KCNAB2: variants seen among roughly 807,000 people sequenced by gnomAD.
KCNAB2 encodes the protein potassium voltage-gated channel subfamily A regulatory beta subunit 2.
KCNAB2 carries 29 observed loss-of-function variants against 63.6 expected under a neutral mutation model. The ratio of observed to expected loss-of-function variants is 0.46; its 90% confidence interval spans 0.34 to 0.62. KCNAB2 has a LOEUF of 0.62. Among genes scored for constraint, KCNAB2 ranks in the 20% least tolerant of loss-of-function variants. The pLI is 0.01. For synonymous variants in KCNAB2, 222 were observed against 224.2 expected (o/e 0.99, Z 0.09); for missense variants, 359 against 563.9 (o/e 0.64, Z 3.68).
In KCNAB2 at chr1:6,071,846, C is replaced by T. The variant is rs545113381; in HGVS notation, c.219-909C>T. On this transcript the variant is annotated intron_variant, in intron 2 of 15. Coordinates refer to ENST00000378083, the MANE Select transcript of KCNAB2 (RefSeq NM_001199862.2). The surrounding 1 kb of genome is among the most constrained non-coding windows in gnomAD (Gnocchi z 8.5). Reference sequence around the variant, plus strand: ...TCCTGCCGCATAGGGCACCTCCTGCCGCGAGGGCACCTCCTGCCGCGTGGG... The same window carrying T: ...TCCTGCCGCATAGGGCACCTCCTGCTGCGAGGGCACCTCCTGCCGCGTGGG... Among the ~76,000 whole-genome samples, 24 of 150,116 alleles carry T rather than the reference C, an allele frequency of 1.6e-4. No individual in the cohort carries two copies. Among genetic ancestry groups the T allele is most frequent in the Non-Finnish European group, 2.4e-4 (16 of 67,344 alleles).
chr1:6,029,430 G>A (rs963921660), upstream of KCNAB2, among the ~76,000 whole-genome samples: 92 of 152,164 alleles, frequency 6.0e-4, 1 homozygote, highest in Admixed American at 6.5e-4. Flanking sequence ...TGGTAAGACC[G>A]CTGCCCAGGA....
chr1:6,093,508 G>A (rs1259634126), intron 10 of KCNAB2, among the ~76,000 whole-genome samples: 9 of 152,376 alleles, frequency 5.9e-5, no homozygotes, highest in African/African-American at 2.2e-4. Flanking sequence ...TCGCTGGGGC[G>A]AGGGTCCCTC....
upstream of KCNAB2, among the ~76,000 whole-genome samples, chr1:6,029,881 A>G (rs551248659): frequency 5.9e-4 from 90 of 152,348 alleles, no homozygotes; most frequent in African/African-American, 2.0e-3. Context: ...AGAAGATCAG[A>G]GCATGTGCAG....
chr1:6,068,738 G>C lies in KCNAB2; in HGVS notation c.219-4017G>C, dbSNP rs150061513. On this transcript the variant is annotated intron_variant, in intron 2 of 15. Coordinates refer to ENST00000378083, the MANE Select transcript of KCNAB2 (RefSeq NM_001199862.2). ...CAGGGCCACAGCCAGGGTGCAAGAG[G>C]GGGGCAGCAGGGACTGAGGGGGAGC... is the stretch of plus-strand genomic sequence containing the variant. Among the ~76,000 whole-genome samples the C allele has an allele frequency of 2.6e-3, 397 of 152,288 alleles. 1 individual carries two copies. Among genetic ancestry groups the C allele is most frequent in the African/African-American group, 8.8e-3 (366 of 41,560 alleles).
At chr1:6,008,011 GT>G (rs1477131071) in intron 1 of KCNAB2, among the ~76,000 whole-genome samples, 8 of 152,286 alleles carry the variant, frequency 5.3e-5, no homozygotes, top group Middle Eastern at 3.4e-3. Flanking sequence ...GAGCTGTCTG[GT>G]TTGACATGGC....
chr1:6,092,136 A>G (rs1665241567), intron 10 of KCNAB2, among the ~76,000 whole-genome samples: 1 of 152,244 alleles, frequency 6.6e-6, no homozygotes, highest in Non-Finnish European at 1.5e-5. Context: ...AGCTAGAAGG[A>G]TTCAGTCTTC....
In KCNAB2 at chr1:6,069,531, G is replaced by A. The variant is rs1247569379; in HGVS notation, c.219-3224G>A. Reference sequence around the variant, plus strand: ...GACATGAGGCAAATTAATGAAGACCGACAGTATTTGGGTTTCGAGATGTTG... The same window carrying A: ...GACATGAGGCAAATTAATGAAGACCAACAGTATTTGGGTTTCGAGATGTTG... On this transcript the variant is annotated intron_variant, in intron 2 of 15. Transcript: ENST00000378083. This position sits in a 1 kb window ranked among gnomAD's most constrained non-coding sequence, Gnocchi z 5.4. 3.9e-5 allele frequency among the ~76,000 whole-genome samples: 6 copies of A among 152,176 alleles called. No homozygotes were observed. Among genetic ancestry groups the A allele is most frequent in the East Asian group, 1.9e-4 (1 of 5,190 alleles).
chr1:6,007,934 C>G (rs544013895), intron 1 of KCNAB2, among the ~76,000 whole-genome samples: 5 of 152,118 alleles, frequency 3.3e-5, no homozygotes, highest in Non-Finnish European at 7.4e-5. Context: ...GGGCTGGAGA[C>G]GCTGAGGCAG....
intron 1 of KCNAB2, among the ~76,000 whole-genome samples, chr1:6,017,805 T>G (rs1385979169): frequency 4.0e-5 from 6 of 150,590 alleles, no homozygotes; most frequent in Non-Finnish European, 7.4e-5. Context: ...AAAAAAAAAC[T>G]TGGCCTCCCA....
intron 2 of KCNAB2, among the ~76,000 whole-genome samples, chr1:6,052,346 G>A (rs953863582): frequency 4.6e-5 from 7 of 151,610 alleles, no homozygotes; most frequent in African/African-American, 1.7e-4. Context: ...GATTACCTGA[G>A]CCCAAAGAAT....
chr1:6,072,776 G>A lies in KCNAB2; in HGVS notation c.240G>A (p.Leu80=), dbSNP rs1177804553. 1.2e-6 allele frequency: 2 copies of A among 1,613,862 alleles called. No individual in the cohort carries two copies. Among genetic ancestry groups the A allele is most frequent in the African/African-American group, 2.7e-5 (2 of 74,910 alleles). ...MKYRNLGKSG[L]RVSCLGLGTW... is the part of the protein sequence containing the mutation. ...TCAGGAACCTGGGCAAGTCTGGCCTGCGGGTCTCCTGCCTGGGACTTGGTG... is the reference window on the plus strand; with the variant it reads ...TCAGGAACCTGGGCAAGTCTGGCCTACGGGTCTCCTGCCTGGGACTTGGTG... Residue 80 remains leucine, a synonymous_variant, in exon 3 of 16, where the codon CTG becomes CTA. Coordinates refer to ENST00000378083, the MANE Select transcript of KCNAB2 (RefSeq NM_001199862.2).
chr1:6,004,124 G>A (rs1325152968), intron 1 of KCNAB2, among the ~76,000 whole-genome samples: 2 of 152,212 alleles, frequency 1.3e-5, no homozygotes, highest in Non-Finnish European at 2.9e-5. Flanking sequence ...TGGAGCAGAA[G>A]CAGGGCTGGG....
intron 1 of KCNAB2, among the ~76,000 whole-genome samples, chr1:6,049,761 G>A (rs1310743126): frequency 1.3e-5 from 2 of 152,238 alleles, no homozygotes; most frequent in East Asian, 3.9e-4. Flanking sequence ...TCATGCAACA[G>A]GCATTTGTAG....
At chr1:6,088,228 CTCTCTT>C (rs1664871814) in intron 7 of KCNAB2, among the ~76,000 whole-genome samples, 1 of 126,992 alleles carries the variant, frequency 7.9e-6, no homozygotes, top group African/African-American at 3.1e-5. Flanking sequence ...TTTTCTCTCT[CTCTCTT>C]TTTTTTTTTT....
chr1:6,096,854 CG>C lies in KCNAB2; in HGVS notation c.1069+102del. The stretch of plus-strand genomic sequence containing the variant: ...GGGGTTGCCATGGGGCCAGTGTCTC[CG>C]GGGAGAGAGGGAAGGGATCCCTGGA... On this transcript the variant is annotated intron_variant, in intron 14 of 15. Transcript: ENST00000378083. This position sits in a 1 kb window ranked among gnomAD's most constrained non-coding sequence, Gnocchi z 5.9. 1.4e-6 allele frequency: 2 copies of C among 1,395,250 alleles called. No individual in the cohort carries two copies. Among genetic ancestry groups the C allele is most frequent in the African/African-American group, 1.5e-5 (1 of 68,798 alleles). 86.4% of individuals were successfully genotyped at this position (1,395,250 alleles called of 1,614,324 possible). A position where few individuals can be genotyped will look rare whatever the true frequency, so the allele number is the denominator to read the frequency against.
chr1:6,047,900 A>G (rs935105629), intron 1 of KCNAB2, among the ~76,000 whole-genome samples: 1 of 152,190 alleles, frequency 6.6e-6, no homozygotes, highest in Non-Finnish European at 1.5e-5. Context: ...CCCTGGCACC[A>G]TGGGGACAAG....
At chr1:6,047,594 GCTGCCTGGCA>G (rs1661035937) in intron 1 of KCNAB2, among the ~76,000 whole-genome samples, 2 of 152,164 alleles carry the variant, frequency 1.3e-5, no homozygotes, top group Non-Finnish European at 2.9e-5. Flanking sequence ...CCCACCAACA[GCTGCCTGGCA>G]CTGCCAGGAA....
At chr1:6,057,059 C>T (rs1330936978) in intron 2 of KCNAB2, among the ~76,000 whole-genome samples, 2 of 151,360 alleles carry the variant, frequency 1.3e-5, no homozygotes, top group South Asian at 4.2e-4. Flanking sequence ...GAAGGCGCTG[C>T]GTGGTCTTGG....
intron 13 of KCNAB2, 70 bp downstream of exon 13, chr1:6,095,694 C>G: frequency 7.0e-7 from 1 of 1,438,592 alleles, no homozygotes; most frequent in Non-Finnish European, 9.8e-7. Context: ...ACCTTTGGGC[C>G]GACTGCTTTG....
Sources: allele counts gnomAD v4.1 joint callset (sites outside exome capture counted in the v4.1 genomes callset), GRCh38; gene constraint gnomAD v4.1.1; non-coding constraint Gnocchi (gnomAD v3.1); transcripts MANE v1.5; gene names NCBI Gene and HGNC (gene_info 2026-07-23, HGNC 2026-07-21).